PPP2R5E: variants seen among roughly 807,000 people sequenced by gnomAD.
PPP2R5E encodes the protein protein phosphatase 2 regulatory subunit B'epsilon.
PPP2R5E carries 4 observed loss-of-function variants against 65.3 expected under a neutral mutation model. The observed-to-expected ratio is 0.06, with a 90% CI of 0.03 to 0.14. The LOEUF is 0.14. PPP2R5E is among the 10% of genes least tolerant of loss of function. The probability of loss-of-function intolerance (pLI) is 1.00; values close to 1 mark genes in which losing one functional copy is unlikely to be tolerated. For missense variants in PPP2R5E, 274 were observed against 556.1 expected (o/e 0.49, Z 5.10); for synonymous variants, 183 against 187.4 (o/e 0.98, Z 0.19).
chr14:63,466,610 T>C (rs548229041), intron 2 of PPP2R5E, among the ~76,000 whole-genome samples: 6 of 152,328 alleles, frequency 3.9e-5, no homozygotes, highest in Admixed American at 3.3e-4. Flanking sequence ...CATAGAACAG[T>C]TGAGGAAATC....
chr14:63,527,059 C>T (rs1221640004), intron 2 of PPP2R5E, among the ~76,000 whole-genome samples: 1 of 152,150 alleles, frequency 6.6e-6, no homozygotes, highest in Non-Finnish European at 1.5e-5. Flanking sequence ...ATCCCAGCTA[C>T]TCGGGAGGCT....
intron 2 of PPP2R5E, among the ~76,000 whole-genome samples, chr14:63,494,270 G>A (rs575522270): frequency 6.6e-6 from 1 of 152,172 alleles, no homozygotes; most frequent in East Asian, 1.9e-4. Context: ...GTCTCACTCT[G>A]TTGCCCAGGC....
rs367547520 is a variant in PPP2R5E, at chr14:63,541,899, C to T, written c.-8+880G>A. 2.4e-4 allele frequency among the ~76,000 whole-genome samples: 37 copies of T among 152,108 alleles called. 1 individual carries two copies. Among genetic ancestry groups the T allele is most frequent in the African/African-American group, 8.9e-4 (37 of 41,512 alleles). On this transcript the variant is annotated intron_variant, in intron 1 of 13. Transcript: ENST00000337537. Reference sequence around the variant, plus strand: ...GATGGATTCAAAATAGAATCACAAACTATGAATGACTATAGATGTTAAGAT... The same window carrying T: ...GATGGATTCAAAATAGAATCACAAATTATGAATGACTATAGATGTTAAGAT...
intron 2 of PPP2R5E, among the ~76,000 whole-genome samples, chr14:63,521,599 G>GT (rs1892909320): frequency 6.6e-6 from 1 of 152,004 alleles, no homozygotes; most frequent in Admixed American, 6.5e-5. Context: ...GGAGGCAGAG[G>GT]TTGCAGTGAG....
At chr14:63,422,659 G>A (rs755736851) in intron 3 of PPP2R5E, among the ~76,000 whole-genome samples, 55 of 150,258 alleles carry the variant, frequency 3.7e-4, no homozygotes, top group South Asian at 6.3e-4. Context: ...CCCGGAGGAC[G>A]GAGCCTGCAG....
At chr14:63,523,245 T>G (rs1460442954) in intron 2 of PPP2R5E, among the ~76,000 whole-genome samples, 1 of 151,922 alleles carries the variant, frequency 6.6e-6, no homozygotes, top group Non-Finnish European at 1.5e-5. Flanking sequence ...ATGATGACAA[T>G]GGCGGTTTTG....
intron 2 of PPP2R5E, among the ~76,000 whole-genome samples, chr14:63,505,722 G>A (rs187018155): frequency 1.1e-3 from 162 of 152,272 alleles, no homozygotes; most frequent in Non-Finnish European, 5.4e-4. Flanking sequence ...GTTCCACAGA[G>A]AAATCCATGC....
In PPP2R5E at chr14:63,396,728, GAA is replaced by G. The variant is rs1413799260; in HGVS notation, c.550-14_550-13del. On this transcript the variant is annotated splice_polypyrimidine_tract_variant and intron_variant, in intron 5 of 13. Transcript: ENST00000337537. ...AATAGCTCCAGAAGCTGTTGTAAAT[GAA>G]AGACATTATAGCTGTCAAAGGCGGT... The G allele has an allele frequency of 1.6e-5, 26 of 1,612,738 alleles. No individual in the cohort carries two copies. In the African/African-American group the frequency reaches 2.5e-4, roughly 16 times the overall value.
At chr14:63,498,792 A>G (rs1891710551) in intron 2 of PPP2R5E, among the ~76,000 whole-genome samples, 1 of 152,132 alleles carries the variant, frequency 6.6e-6, no homozygotes, top group South Asian at 2.1e-4. Context: ...CAGTCTGCAG[A>G]TAGGGGTTCA....
intron 4 of PPP2R5E, among the ~76,000 whole-genome samples, chr14:63,417,253 A>G (rs977484249): frequency 1.7e-4 from 26 of 152,346 alleles, no homozygotes; most frequent in South Asian, 8.3e-4. Context: ...TTATTTTTAA[A>G]AAGTCTTTAA....
intron 6 of PPP2R5E, 74 bp downstream of exon 6, chr14:63,396,512 T>G: frequency 6.5e-7 from 1 of 1,535,442 alleles, no homozygotes; most frequent in Non-Finnish European, 8.9e-7. Flanking sequence ...CGTTTTCAGA[T>G]ATTTGAGATT....
intron 2 of PPP2R5E, among the ~76,000 whole-genome samples, chr14:63,483,532 T>C (rs1890817201): frequency 6.6e-6 from 1 of 152,102 alleles, no homozygotes; most frequent in South Asian, 2.1e-4. Context: ...ACACAGCGCA[T>C]TCACGGCAGG....
chr14:63,509,338 G>A (rs1435674624), intron 2 of PPP2R5E, among the ~76,000 whole-genome samples: 3 of 140,596 alleles, frequency 2.1e-5, no homozygotes, highest in Non-Finnish European at 3.0e-5. Context: ...GCAGTGGCGC[G>A]ATCTCAGCTC....
rs528081976 is a variant in PPP2R5E at position 63,379,826 on chromosome 14, C to CTCTTTT, written c.1304+2229_1304+2230insAAAAGA. Among the ~76,000 whole-genome samples, 51 of 100,302 alleles carry CTCTTTT rather than the reference C, an allele frequency of 5.1e-4. 3 individuals are homozygous for CTCTTTT. Among genetic ancestry groups the CTCTTTT allele is most frequent in the African/African-American group, 2.6e-3 (50 of 19,148 alleles). 65.8% of individuals were successfully genotyped at this position (100,302 alleles called of 152,430 possible). A position where few individuals can be genotyped will look rare whatever the true frequency, so the allele number is the denominator to read the frequency against. ...TAAGTTGTTCTTCAATATTCTCTCT[C>CTCTTTT]TTTTTTTTTTTTTTTTTTTTTTTTT... On this transcript the variant is annotated intron_variant, in intron 13 of 13. Transcript: ENST00000337537.
chr14:63,396,852 G>T, intron 5 of PPP2R5E, 136 bp from the exon 6 acceptor site: 1 of 1,023,496 alleles, frequency 9.8e-7, no homozygotes, highest in Non-Finnish European at 1.4e-6. Context: ...CACAGTGCTA[G>T]TCTTTGGGCA....
intron 2 of PPP2R5E, among the ~76,000 whole-genome samples, chr14:63,463,656 G>T (rs1390554940): frequency 6.6e-6 from 1 of 151,140 alleles, no homozygotes; most frequent in East Asian, 2.0e-4. Flanking sequence ...CAGTGCAGTG[G>T]CACGATCTCG....
At chr14:63,506,194 T>G (rs1437768318) in intron 2 of PPP2R5E, among the ~76,000 whole-genome samples, 1 of 152,198 alleles carries the variant, frequency 6.6e-6, no homozygotes, top group Non-Finnish European at 1.5e-5. Context: ...CTCAAGCCTG[T>G]AATCCTAGCA....
At chr14:63,400,310 A>G (rs1187097160) in intron 5 of PPP2R5E, among the ~76,000 whole-genome samples, 1 of 152,240 alleles carries the variant, frequency 6.6e-6, no homozygotes. Flanking sequence ...AGGATGTTGT[A>G]TAAATACACA....
chr14:63,510,335 C>A (rs963202808), intron 2 of PPP2R5E, among the ~76,000 whole-genome samples: 1 of 152,228 alleles, frequency 6.6e-6, no homozygotes, highest in Non-Finnish European at 1.5e-5. Context: ...GGCATACACC[C>A]TGCACCAGGC....
Sources: gnomAD v4.1 joint callset for allele counts (sites outside exome capture counted in the v4.1 genomes callset) on GRCh38, gnomAD v4.1.1 for gene constraint, MANE v1.5 for transcripts, NCBI Gene and HGNC (gene_info 2026-07-23, HGNC 2026-07-21) for gene names.